The following STARD13 variants were observed in gnomAD, a reference collection of about 807,000 sequenced individuals.
STARD13 encodes StAR related lipid transfer domain containing 13.
A neutral mutation model predicts 106.4 loss-of-function variants in STARD13; 62 were observed. That is an observed-to-expected ratio of 0.58 (90% confidence interval 0.48 to 0.72). The LOEUF (loss-of-function observed/expected upper bound fraction) is 0.72, where lower values mean the gene tolerates loss of function less well. Ranked by LOEUF, STARD13 falls within the 30% of genes least tolerant of loss-of-function variation. The probability of loss-of-function intolerance (pLI) is 0.00; values close to 1 mark genes in which losing one functional copy is unlikely to be tolerated. For missense variants in STARD13, 1,387 were observed against 1,424.0 expected, an observed-to-expected ratio of 0.97 and a Z score of 0.42; for synonymous variants, 565 against 553.0, an observed-to-expected ratio of 1.02 and a Z score of -0.31.
In STARD13 at chr13:33,127,362, GTGC is replaced by G; in HGVS notation, c.1922+8_1922+10del. The G allele has an allele frequency of 6.4e-7, 1 of 1,565,370 alleles. No homozygotes were observed. Among genetic ancestry groups the G allele is most frequent in the African/African-American group, 1.4e-5 (1 of 72,708 alleles). On this transcript the variant is annotated splice_region_variant and intron_variant, in intron 6 of 13. Transcript: ENST00000336934. ...GCCAAGGATCCCCTCCTAGGTGAAT[GTGC>G]TACGCACCATGTCCAGCCGTGCTTG...
chr13:33,248,719 T>A (rs529377229), intron 1 of STARD13, among the ~76,000 whole-genome samples: 1 of 152,348 alleles, frequency 6.6e-6, no homozygotes, highest in Non-Finnish European at 1.5e-5. Context: ...TTCTTCTTCC[T>A]CCACTTCTCC....
chr13:33,369,783 A>G, the STARD13 span, among the ~76,000 whole-genome samples: 1 of 152,232 alleles, frequency 6.6e-6, no homozygotes, highest in African/African-American at 2.4e-5. Flanking sequence ...GTTACTTATC[A>G]TTAATGGAAT....
intron 1 of STARD13, among the ~76,000 whole-genome samples, chr13:33,234,126 G>A (rs1889068518): frequency 6.6e-6 from 1 of 152,194 alleles, no homozygotes; most frequent in Non-Finnish European, 1.5e-5. Context: ...CAGACTGGCT[G>A]TGTCTGAATA....
intron 1 of STARD13, among the ~76,000 whole-genome samples, chr13:33,191,609 A>G (rs1886262693): frequency 6.6e-6 from 1 of 152,220 alleles, no homozygotes; most frequent in African/African-American, 2.4e-5. Flanking sequence ...ACATTGTAGG[A>G]AAGTTAAGAT....
At chr13:33,198,972 C>T (rs1406628485) in intron 1 of STARD13, among the ~76,000 whole-genome samples, 2 of 152,208 alleles carry the variant, frequency 1.3e-5, no homozygotes, top group Non-Finnish European at 2.9e-5. Context: ...TTTCCAATCG[C>T]CTTTCCCAAT....
chr13:33,648,296 A>G, the STARD13 span, among the ~76,000 whole-genome samples: 3 of 152,326 alleles, frequency 2.0e-5, no homozygotes, highest in East Asian at 3.9e-4. Flanking sequence ...GAGGCTCACT[A>G]GCTGGATGAG....
the STARD13 span, among the ~76,000 whole-genome samples, chr13:33,435,530 A>C: frequency 6.6e-6 from 1 of 152,156 alleles, no homozygotes; most frequent in Non-Finnish European, 1.5e-5. Flanking sequence ...TTTTTGCCTC[A>C]TGTGGCTGTA....
chr13:33,167,003 C>CAAAAAAAAAAAAAA (rs139921719), intron 2 of STARD13, among the ~76,000 whole-genome samples: 2 of 126,772 alleles, frequency 1.6e-5, no homozygotes, highest in African/African-American at 2.9e-5. Flanking sequence ...CAAAAAAAAA[C>CAAAAAAAAAAAAAA]AAAAAAAAAA....
chr13:33,270,544 T>A (rs540087108), intron 1 of STARD13, among the ~76,000 whole-genome samples: 5 of 152,144 alleles, frequency 3.3e-5, no homozygotes, highest in African/African-American at 4.8e-5. Context: ...CTAATAGTAT[T>A]CCCATTTCAT....
upstream of STARD13, among the ~76,000 whole-genome samples, chr13:33,287,524 A>T (rs1892115888): frequency 6.6e-6 from 1 of 152,210 alleles, no homozygotes; most frequent in South Asian, 2.1e-4. Flanking sequence ...GGATTTGAGC[A>T]GCAGTTTTTC....
Position 33,313,889 on chromosome 13 carries a change from A to G in STARD13, c.124+36401T>C, listed in dbSNP as rs552654964. 8.5e-5 allele frequency among the ~76,000 whole-genome samples: 13 copies of G among 152,318 alleles called. No homozygotes were observed. In the South Asian group the frequency reaches 2.5e-3, roughly 29 times the overall value. ...TCATCGTCTTTTCCCAAGCATTTACAGATACCATGTTGCACCCCCTTAAAA... is the reference window on the plus strand; with the variant it reads ...TCATCGTCTTTTCCCAAGCATTTACGGATACCATGTTGCACCCCCTTAAAA... On this transcript the variant is annotated intron_variant, in intron 1 of 5. Coordinates refer to the STARD13 transcript ENST00000567873.
chr13:33,176,600 T>C (rs1248228499), intron 1 of STARD13, among the ~76,000 whole-genome samples: 1 of 152,202 alleles, frequency 6.6e-6, no homozygotes, highest in Non-Finnish European at 1.5e-5. Context: ...ATATATTCCT[T>C]ATAGAAGGAA....
the STARD13 span, among the ~76,000 whole-genome samples, chr13:33,389,167 A>G: frequency 2.6e-5 from 4 of 151,948 alleles, no homozygotes; most frequent in Admixed American, 1.3e-4. Context: ...CATGTTGGCC[A>G]GTCTGGTCTC....
intron 1 of STARD13, 121 bp from the exon 2 acceptor site, chr13:33,167,743 G>A (rs1187172563): frequency 8.0e-6 from 8 of 995,172 alleles, no homozygotes; most frequent in Non-Finnish European, 1.2e-5. Flanking sequence ...AATTGTTCCA[G>A]GTAAGTCTGC....
At chr13:33,325,407 G>A (rs1436552766) in intron 1 of STARD13, among the ~76,000 whole-genome samples, 1 of 151,966 alleles carries the variant, frequency 6.6e-6, no homozygotes, top group Non-Finnish European at 1.5e-5. Context: ...TACACAGAGA[G>A]GAAAAAAATG....
At chr13:33,108,667 T>C (rs765427987) in intron 12 of STARD13, among the ~76,000 whole-genome samples, 2 of 152,086 alleles carry the variant, frequency 1.3e-5, no homozygotes, top group African/African-American at 4.8e-5. Flanking sequence ...CACTGATAAA[T>C]AGCAGGCTGG....
chr13:33,616,114 GA>G, the STARD13 span, among the ~76,000 whole-genome samples: 1 of 147,382 alleles, frequency 6.8e-6, no homozygotes, highest in African/African-American at 2.5e-5. Context: ...GCTTAAAAAA[GA>G]AAAAGGAGGA....
intron 1 of STARD13, among the ~76,000 whole-genome samples, chr13:33,213,271 A>G (rs1887827703): frequency 6.6e-6 from 1 of 152,204 alleles, no homozygotes. Context: ...AAATTCTAAG[A>G]GTTATACACT....
At chr13:33,516,143 T>C in the STARD13 span, among the ~76,000 whole-genome samples, 5 of 148,012 alleles carry the variant, frequency 3.4e-5, no homozygotes, top group African/African-American at 7.4e-5. Context: ...GTGTTATATA[T>C]AATTTATATA....
Sources: allele counts gnomAD v4.1 joint callset (sites outside exome capture counted in the v4.1 genomes callset), GRCh38; gene constraint gnomAD v4.1.1; transcripts MANE v1.5; gene names NCBI Gene and HGNC (gene_info 2026-07-23, HGNC 2026-07-21).